Variants in GPM6A observed in about 807,000 individuals in gnomAD.
The protein encoded by GPM6A is glycoprotein M6A, also known as neuronal membrane glycoprotein M6-a.
GPM6A carries 7 observed loss-of-function variants against 32.1 expected under a neutral mutation model. The observed-to-expected ratio is 0.22, with a 90% CI of 0.12 to 0.41. The LOEUF is 0.41. Ranked by LOEUF, GPM6A falls within the 10% of genes least tolerant of loss-of-function variation. The probability of loss-of-function intolerance (pLI) is 1.00; values close to 1 mark genes in which losing one functional copy is unlikely to be tolerated. For missense variants in GPM6A, 235 were observed against 347.2 expected (o/e 0.68, Z 2.57); for synonymous variants, 130 against 123.4 (o/e 1.05, Z -0.35).
At chr4:175,937,263 T>C (rs1450870079) in intron 1 of GPM6A, among the ~76,000 whole-genome samples, 2 of 152,160 alleles carry the variant, frequency 1.3e-5, no homozygotes, top group Admixed American at 6.5e-5. Flanking sequence ...GTAGCATTCT[T>C]TGTAAATAGT....
intron 1 of GPM6A, among the ~76,000 whole-genome samples, chr4:175,824,505 T>C (rs2111354705): frequency 6.6e-6 from 1 of 152,372 alleles, no homozygotes; most frequent in South Asian, 2.1e-4. Context: ...ATCATTTGTC[T>C]GTAGCTCATA....
At chr4:175,771,061 G>T (rs772760958) in intron 1 of GPM6A, among the ~76,000 whole-genome samples, 5 of 152,154 alleles carry the variant, frequency 3.3e-5, no homozygotes, top group Non-Finnish European at 5.9e-5. Context: ...CTGTATGTCT[G>T]TAGCGGGAAG....
intron 1 of GPM6A, among the ~76,000 whole-genome samples, chr4:175,909,827 GAAAT>G (rs776341383): frequency 1.3e-5 from 2 of 152,024 alleles, no homozygotes. Context: ...TATTTAATGA[GAAAT>G]AATCATAAGT....
intron 2 of GPM6A, among the ~76,000 whole-genome samples, chr4:175,690,995 C>T (rs1744265757): frequency 1.3e-5 from 2 of 152,156 alleles, no homozygotes; most frequent in South Asian, 2.1e-4. Context: ...AATTTTAAAT[C>T]ATCAAACATT....
At chr4:175,653,928 T>C (rs181206326) in intron 3 of GPM6A, among the ~76,000 whole-genome samples, 1 of 152,062 alleles carries the variant, frequency 6.6e-6, no homozygotes, top group Non-Finnish European at 1.5e-5. Context: ...ATGAAGCACA[T>C]CAATAGGTGA....
Position 175,807,822 on chromosome 4 carries a change from G to A in GPM6A, c.37+4369C>T, listed in dbSNP as rs577759052. Among the ~76,000 whole-genome samples, 8 of 152,304 alleles carry A rather than the reference G, an allele frequency of 5.3e-5. No homozygotes were observed. In the East Asian group the frequency reaches 1.5e-3, roughly 29 times the overall value. On this transcript the variant is annotated intron_variant, in intron 1 of 6. Transcript: ENST00000393658. ...AGGCAGGCAGCTATGGCCATCTAGT[G>A]TAGAGAGTGGGGTTGAAAGTTCAGA...
intron 1 of GPM6A, among the ~76,000 whole-genome samples, chr4:175,776,556 A>G (rs1733403691): frequency 2.6e-5 from 4 of 152,166 alleles, no homozygotes; most frequent in African/African-American, 9.7e-5. Context: ...TCAACCATTG[A>G]TCTTGGAAGC....
chr4:175,739,350 T>C (rs1731790361), intron 1 of GPM6A, among the ~76,000 whole-genome samples: 2 of 152,156 alleles, frequency 1.3e-5, no homozygotes, highest in African/African-American at 4.8e-5. Context: ...TACCTATAGA[T>C]GGAAGTTGTT....
chr4:175,728,280 C>A (rs1333952516), intron 1 of GPM6A, among the ~76,000 whole-genome samples: 1 of 151,980 alleles, frequency 6.6e-6, no homozygotes, highest in Non-Finnish European at 1.5e-5. Flanking sequence ...CCCTTAAAAA[C>A]ACAAACTAAA....
At chr4:175,812,070 GA>G in intron 1 of GPM6A, 120 bp downstream of exon 1, 1 of 722,934 alleles carries the variant, frequency 1.4e-6, no homozygotes, top group Non-Finnish European at 2.3e-6. Context: ...TAAAGGAGAG[GA>G]AGGAACAAAA....
At chr4:175,795,103 T>C (rs1734165575) in intron 1 of GPM6A, among the ~76,000 whole-genome samples, 1 of 152,176 alleles carries the variant, frequency 6.6e-6, no homozygotes, top group Non-Finnish European at 1.5e-5. Context: ...AAGCATTTGA[T>C]AACCCATTAA....
At chr4:175,892,448 G>A (rs1479403824) in intron 1 of GPM6A, among the ~76,000 whole-genome samples, 3 of 151,984 alleles carry the variant, frequency 2.0e-5, no homozygotes, top group South Asian at 2.1e-4. Context: ...TCATGAATTC[G>A]TAAGCAGCCC....
At chr4:175,843,619 A>G (rs1313255095) in intron 1 of GPM6A, among the ~76,000 whole-genome samples, 1 of 152,204 alleles carries the variant, frequency 6.6e-6, no homozygotes, top group Non-Finnish European at 1.5e-5. Flanking sequence ...GTGGAGCTGA[A>G]CTAGGTGCTA....
chr4:175,773,771 G>A (rs1473532242), intron 1 of GPM6A, among the ~76,000 whole-genome samples: 1 of 152,164 alleles, frequency 6.6e-6, no homozygotes, highest in Non-Finnish European at 1.5e-5. Context: ...GCAATAGCTA[G>A]TGTAGAAGCT....
At chr4:175,972,990 T>C (rs1740553680) in intron 1 of GPM6A, among the ~76,000 whole-genome samples, 2 of 152,218 alleles carry the variant, frequency 1.3e-5, no homozygotes, top group African/African-American at 4.8e-5. Flanking sequence ...CGATCATCTA[T>C]GTCCATTGAT....
Position 175,640,194 on chromosome 4 carries a change from G to C in GPM6A, c.619C>G (p.Leu207Val), listed in dbSNP as rs146272841. The C allele has an allele frequency of 5.0e-6, 8 of 1,612,608 alleles. No homozygotes were observed. Among genetic ancestry groups the C allele is most frequent in the Non-Finnish European group, 5.1e-6 (6 of 1,178,678 alleles). ...NFLRMCESTELNMTFHLFIVA... is the reference protein window; with the variant it reads ...NFLRMCESTEVNMTFHLFIVA... ...ATAAACAAGTGGAAGGTCATGTTCA[G>C]CTGCAATGGAAACCACAGAGAATCA... The change falls in exon 6 of 7, where the codon CTG becomes GTG. Residue 207 changes from leucine (L) to valine (V), a missense_variant and splice_region_variant. By Grantham distance (32) the Leu-to-Val change is conservative. Coordinates refer to ENST00000393658, the MANE Select transcript of GPM6A (RefSeq NM_201591.3).
intron 3 of GPM6A, among the ~76,000 whole-genome samples, chr4:175,663,934 C>T (rs1742585320): frequency 6.6e-6 from 1 of 152,044 alleles, no homozygotes; most frequent in Non-Finnish European, 1.5e-5. Context: ...GCTTGTGATC[C>T]GCCCACCTCA....
chr4:175,947,422 GAAT>G (rs1014298822), intron 1 of GPM6A, among the ~76,000 whole-genome samples: 11 of 151,828 alleles, frequency 7.2e-5, no homozygotes, highest in African/African-American at 2.4e-4. Flanking sequence ...ATATTCTTAA[GAAT>G]AATATTTAAG....
chr4:175,834,184 G>C (rs1377052999), intron 1 of GPM6A, among the ~76,000 whole-genome samples: 1 of 152,050 alleles, frequency 6.6e-6, no homozygotes, highest in East Asian at 1.9e-4. Flanking sequence ...TGAAAATGAT[G>C]GCCTGGCTTT....
Sources: gnomAD v4.1 joint callset for allele counts (sites outside exome capture counted in the v4.1 genomes callset) on GRCh38, gnomAD v4.1.1 for gene constraint, MANE v1.5 for transcripts, NCBI Gene and HGNC (gene_info 2026-07-23, HGNC 2026-07-21) for gene names.